Variants in MYO5C observed in about 807,000 individuals in gnomAD.
MYO5C encodes unconventional myosin-Vc.
Under a neutral mutation model 235.7 loss-of-function variants are expected in MYO5C, and 194 were observed. The ratio of observed to expected loss-of-function variants is 0.82; its 90% CI spans 0.73 to 0.93. The LOEUF (loss-of-function observed/expected upper bound fraction) is 0.93. Ranked by LOEUF, MYO5C falls within the 40% of genes least tolerant of loss-of-function variation. The pLI is 0.00. For missense variants in MYO5C, 2,038 were observed against 2,127.2 expected, an observed-to-expected ratio of 0.96 and a Z score of 0.82; for synonymous variants, 707 against 754.8, an observed-to-expected ratio of 0.94 and a Z score of 1.04.
In MYO5C at chr15:52,223,617, T is replaced by A; in HGVS notation, c.3554A>T (p.Lys1185Met). 1 of 1,614,234 alleles carries A rather than the reference T, an allele frequency of 6.2e-7. No homozygotes were observed. The highest frequency in any genetic ancestry group is 8.5e-7 in the Non-Finnish European group (1 of 1,180,050). The change falls in exon 29 of 41, where the codon AAG (lysine) becomes ATG (methionine). Residue 1185 changes from lysine (K) to methionine (M), a missense_variant. Lys to Met is a moderately conservative substitution (Grantham distance 95). Transcript: ENST00000261839. The part of the protein sequence containing the change: ...HLSQEINHLQ[K>M]LFREENDINE... ...GATGTCATTTTCTTCTCTGAATAACTTCTGCAGGTGGTTGATTTCTTGACT... is the reference window on the plus strand; with the variant it reads ...GATGTCATTTTCTTCTCTGAATAACATCTGCAGGTGGTTGATTTCTTGACT...
At chr15:52,261,402 C>A (rs1478209359) in intron 9 of MYO5C, among the ~76,000 whole-genome samples, 1 of 152,224 alleles carries the variant, frequency 6.6e-6, no homozygotes, top group Non-Finnish European at 1.5e-5. Flanking sequence ...TCATTTTAAC[C>A]AAAGAATGTC....
At position 52,218,562 on chromosome 15, in the gene MYO5C, C is replaced by A. The variant is rs1162814208; in HGVS notation, c.3911G>T (p.Cys1304Phe). Reference protein sequence around the residue: ...KQFETESEVKCNFRQEASRLT... With the variant: ...KQFETESEVKFNFRQEASRLT... Reference sequence around the variant, plus strand: ...CCGGGATGCTTCCTGCCGGAAGTTACACTTGACTTCACTTTCAGTTTCAAA... The same window carrying A: ...CCGGGATGCTTCCTGCCGGAAGTTAAACTTGACTTCACTTTCAGTTTCAAA... The change falls in exon 32 of 41, where the codon TGT (cysteine) becomes TTT (phenylalanine). Residue 1304 changes from cysteine to phenylalanine, a missense_variant. Cys to Phe is a radical substitution (Grantham distance 205, BLOSUM62 -2). Transcript: ENST00000261839. 6.2e-7 allele frequency: 1 copy of A among 1,614,248 alleles called. No homozygotes were observed. The highest frequency in any genetic ancestry group is 8.5e-7 in the Non-Finnish European group (1 of 1,180,036).
chr15:52,277,224 G>A (rs1001168207), intron 4 of MYO5C: 6 of 530,468 alleles, frequency 1.1e-5, no homozygotes, highest in African/African-American at 1.9e-5. Context: ...AGGCCAACAC[G>A]AGCCTGCTTT....
At chr15:52,295,247 T>C (rs1213185806) in intron 1 of MYO5C, among the ~76,000 whole-genome samples, 1 of 152,020 alleles carries the variant, frequency 6.6e-6, no homozygotes, top group Non-Finnish European at 1.5e-5. Context: ...TCCCGGGAGA[T>C]GGGGACGCAC....
intron 32 of MYO5C, among the ~76,000 whole-genome samples, chr15:52,218,259 C>CACTGATAGTGCTGGGGA (rs1256523743): frequency 6.6e-5 from 10 of 152,158 alleles, no homozygotes; most frequent in Non-Finnish European, 1.3e-4. Flanking sequence ...TGGTGCCGTG[C>CACTGATAGTGCTGGGGA]ACTGATAGTG....
intron 1 of MYO5C, among the ~76,000 whole-genome samples, chr15:52,291,431 T>G (rs1287415932): frequency 6.6e-6 from 1 of 152,216 alleles, no homozygotes; most frequent in Non-Finnish European, 1.5e-5. Flanking sequence ...CTCCTGCCAC[T>G]GTGGCCTCAG....
intron 33 of MYO5C, chr15:52,213,519 A>G (rs2035494766): frequency 1.4e-5 from 6 of 414,454 alleles, no homozygotes; most frequent in Non-Finnish European, 2.2e-5. Context: ...TTATCCTTTG[A>G]AGAGCCTTAT....
intron 32 of MYO5C, among the ~76,000 whole-genome samples, chr15:52,217,448 TGTA>T (rs1178829100): frequency 6.6e-6 from 1 of 152,134 alleles, no homozygotes; most frequent in Non-Finnish European, 1.5e-5. Flanking sequence ...GACCCACCCA[TGTA>T]GCTTCTCCCT....
At chr15:52,280,080 A>G (rs369225589) in intron 2 of MYO5C, among the ~76,000 whole-genome samples, 1 of 152,208 alleles carries the variant, frequency 6.6e-6, no homozygotes, top group East Asian at 1.9e-4. Flanking sequence ...AGGCCATGCA[A>G]GTTTTCATTT....
intron 31 of MYO5C, among the ~76,000 whole-genome samples, chr15:52,218,896 T>C (rs1438518277): frequency 6.6e-6 from 1 of 152,204 alleles, no homozygotes; most frequent in East Asian, 1.9e-4. Flanking sequence ...CATGGACTGC[T>C]CTGGTCTCCT....
intron 8 of MYO5C, among the ~76,000 whole-genome samples, chr15:52,267,122 T>A (rs148962816): frequency 6.6e-6 from 1 of 152,358 alleles, no homozygotes; most frequent in African/African-American, 2.4e-5. Context: ...TGTGGAAATC[T>A]GTAAACATAA....
At chr15:52,279,415 G>C in intron 3 of MYO5C, 94 bp downstream of exon 3, 1 of 1,295,798 alleles carries the variant, frequency 7.7e-7, no homozygotes, top group South Asian at 1.7e-5. Context: ...ACAAACTCTG[G>C]GTGCTCAGTA....
intron 36 of MYO5C, among the ~76,000 whole-genome samples, chr15:52,208,223 A>G (rs2035364934): frequency 6.6e-6 from 1 of 152,258 alleles, no homozygotes. Flanking sequence ...GGTCCTGTAG[A>G]GAGAACAGCT....
Position 52,244,347 on chromosome 15 carries a change from C to A in MYO5C, c.2390+9G>T. The A allele has an allele frequency of 6.2e-7, 1 of 1,610,054 alleles. No individual in the cohort carries two copies. ...ACAGTTCCACATGTGTTCCTTGATTCCAACATACCTCACAGTTTGCTGACC... is the reference window on the plus strand; with the variant it reads ...ACAGTTCCACATGTGTTCCTTGATTACAACATACCTCACAGTTTGCTGACC... On this transcript the variant is annotated intron_variant, in intron 19 of 40. Coordinates refer to ENST00000261839, the MANE Select transcript of MYO5C (RefSeq NM_018728.4).
At chr15:52,210,712 C>A (rs745393123) in intron 35 of MYO5C, among the ~76,000 whole-genome samples, 6 of 152,172 alleles carry the variant, frequency 3.9e-5, no homozygotes, top group Non-Finnish European at 7.3e-5. Context: ...AAGCAAGGAT[C>A]CAGGTCTGCT....
intron 16 of MYO5C, among the ~76,000 whole-genome samples, chr15:52,246,261 G>T (rs994571008): frequency 2.6e-5 from 4 of 152,220 alleles, no homozygotes; most frequent in African/African-American, 7.2e-5. Context: ...TCTGATGGAG[G>T]TGGCATTGAG....
chr15:52,225,209 G>C (rs1005753069), intron 26 of MYO5C, 71 bp from the exon 27 acceptor site: 43 of 1,539,950 alleles, frequency 2.8e-5, no homozygotes, highest in Non-Finnish European at 3.6e-5. Context: ...CCCTTTCCAG[G>C]GCCCAGTTTT....
intron 32 of MYO5C, 115 bp downstream of exon 32, chr15:52,218,404 G>A (rs2035601373): frequency 1.9e-6 from 2 of 1,071,072 alleles, no homozygotes; most frequent in African/African-American, 3.2e-5. Context: ...AGACTGCTCT[G>A]ATGGAAGGAC....
At chr15:52,273,834 G>A (rs561014674) in intron 5 of MYO5C, among the ~76,000 whole-genome samples, 1 of 152,274 alleles carries the variant, frequency 6.6e-6, no homozygotes, top group South Asian at 2.1e-4. Flanking sequence ...GATTAAATGA[G>A]AGAATATGAG....
Sources: gnomAD v4.1 joint callset for allele counts (sites outside exome capture counted in the v4.1 genomes callset) on GRCh38, gnomAD v4.1.1 for gene constraint, MANE v1.5 for transcripts, NCBI Gene and HGNC (gene_info 2026-07-23, HGNC 2026-07-21) for gene names.